The following TG variants were observed in gnomAD, a reference collection of about 807,000 sequenced individuals.
The protein encoded by TG is thyroid hormones.
In TG, 270 loss-of-function variants were observed where a neutral mutation model predicts 324.7. The observed-to-expected ratio is 0.83, with a 90% CI of 0.75 to 0.92. The LOEUF is 0.92. TG is among the 40% of genes least tolerant of loss of function. The pLI is 0.00. For synonymous variants in TG, 1,401 were observed against 1,327.0 expected, an observed-to-expected ratio of 1.06 and a Z score of -1.21; for missense variants, 3,591 against 3,456.4, an observed-to-expected ratio of 1.04 and a Z score of -0.98.
chr8:132,959,542 C>T (rs1485205708), intron 27 of TG, among the ~76,000 whole-genome samples: 3 of 152,076 alleles, frequency 2.0e-5, no homozygotes, highest in African/African-American at 7.2e-5. Context: ...GTATATAGAG[C>T]GTCTAGGCTT....
intron 41 of TG, among the ~76,000 whole-genome samples, chr8:133,034,388 T>A (rs530445730): frequency 3.3e-5 from 5 of 152,252 alleles, no homozygotes; most frequent in Admixed American, 6.5e-5. Flanking sequence ...ATTTGCTTGG[T>A]ATTATCAATG....
intron 43 of TG, among the ~76,000 whole-genome samples, chr8:133,109,393 G>GAAAGGTGT (rs1260755484): frequency 6.6e-6 from 1 of 152,188 alleles, no homozygotes; most frequent in African/African-American, 2.4e-5. Context: ...GCAAACTAGG[G>GAAAGGTGT]AAAGGTGTTT....
At chr8:132,923,046 G>A (rs1432992819) in intron 21 of TG, among the ~76,000 whole-genome samples, 1 of 152,212 alleles carries the variant, frequency 6.6e-6, no homozygotes, top group Non-Finnish European at 1.5e-5. Flanking sequence ...GCCCAGATGA[G>A]TAAAGCTTGT....
Position 132,969,452 on chromosome 8 carries a change from A to G in TG, c.5864-6A>G, listed in dbSNP as rs201600789. The G allele has an allele frequency of 1.3e-5, 20 of 1,595,998 alleles. No individual in the cohort carries two copies. The highest frequency in any genetic ancestry group is 5.5e-5 in the South Asian group (5 of 90,680). Reference sequence around the variant, plus strand: ...AGTAATGTATTTTCTTTCTTCCTCTATGAAGTTATACTGGAAGATAAAGTG... The same window carrying G: ...AGTAATGTATTTTCTTTCTTCCTCTGTGAAGTTATACTGGAAGATAAAGTG... On this transcript the variant is annotated splice_polypyrimidine_tract_variant and splice_region_variant and intron_variant, in intron 31 of 47. Coordinates refer to ENST00000220616, the MANE Select transcript of TG (RefSeq NM_003235.5).
At chr8:132,904,883 C>T (rs1818448368) in intron 16 of TG, among the ~76,000 whole-genome samples, 1 of 152,198 alleles carries the variant, frequency 6.6e-6, no homozygotes, top group East Asian at 1.9e-4. Flanking sequence ...TACACACATG[C>T]ATCTAGCACA....
chr8:132,887,651 A>G, intron 9 of TG, 103 bp downstream of exon 9: 1 of 1,497,362 alleles, frequency 6.7e-7, no homozygotes. Flanking sequence ...CAATGCTTAC[A>G]CTTCAGTTAA....
intron 27 of TG, among the ~76,000 whole-genome samples, chr8:132,957,316 C>T (rs767482452): frequency 2.0e-5 from 3 of 151,740 alleles, no homozygotes; most frequent in Admixed American, 6.6e-5. Context: ...CAAGGATGAA[C>T]TTAAGACAGC....
chr8:132,968,185 G>A (rs1048371457), intron 31 of TG, among the ~76,000 whole-genome samples: 4 of 152,092 alleles, frequency 2.6e-5, no homozygotes, highest in Non-Finnish European at 4.4e-5. Context: ...ATGAAAAAGG[G>A]TTATTTGGGG....
intron 39 of TG, among the ~76,000 whole-genome samples, chr8:133,020,540 C>G (rs541780997): frequency 6.6e-6 from 1 of 152,166 alleles, no homozygotes; most frequent in South Asian, 2.1e-4. Flanking sequence ...CTTCACTGAT[C>G]TGTCCCACAG....
At chr8:133,134,604 A>G in intron 47 of TG, 72 bp from the exon 48 acceptor site, 1 of 1,393,326 alleles carries the variant, frequency 7.2e-7, no homozygotes, top group African/African-American at 1.4e-5. Context: ...TCTCTTTGGG[A>G]CAAAAGGAAG....
chr8:132,974,104 C>T (rs1829894628), intron 34 of TG, among the ~76,000 whole-genome samples: 1 of 151,380 alleles, frequency 6.6e-6, no homozygotes, highest in Non-Finnish European at 1.5e-5. Context: ...AGCAATTCTC[C>T]TGCCTCAGCC....
At chr8:133,070,743 G>C (rs1421389515) in intron 41 of TG, among the ~76,000 whole-genome samples, 1 of 152,182 alleles carries the variant, frequency 6.6e-6, no homozygotes, top group Admixed American at 6.5e-5. Flanking sequence ...TAAGAGCTGG[G>C]TCTGCTGGCA....
intron 35 of TG, chr8:133,002,411 G>A (rs1355994863): frequency 1.0e-6 from 1 of 985,288 alleles, no homozygotes. Context: ...CGATTAATTT[G>A]TTGCTCAATA....
chr8:132,872,302 C>A (rs1587172722), intron 4 of TG, among the ~76,000 whole-genome samples: 1 of 151,514 alleles, frequency 6.6e-6, no homozygotes, highest in African/African-American at 2.4e-5. Flanking sequence ...CACGGTGAAA[C>A]CCCGTCTCTA....
At chr8:132,948,741 T>C in intron 26 of TG, 35 bp from the exon 27 acceptor site, 1 of 1,611,474 alleles carries the variant, frequency 6.2e-7, no homozygotes, top group Non-Finnish European at 8.5e-7. Flanking sequence ...TCCCCCTCCA[T>C]CACACTGACC....
chr8:133,018,076 T>A, intron 38 of TG, 79 bp downstream of exon 38: 2 of 1,397,276 alleles, frequency 1.4e-6, no homozygotes, highest in Middle Eastern at 2.2e-4. Flanking sequence ...TGGGACTCAG[T>A]AGCAGAGCAG....
intron 5 of TG, among the ~76,000 whole-genome samples, chr8:132,874,435 G>A (rs889524945): frequency 6.6e-6 from 1 of 152,180 alleles, no homozygotes; most frequent in Non-Finnish European, 1.5e-5. Flanking sequence ...AAGGGTTCAC[G>A]CAGACTTTAG....
chr8:133,108,008 G>C (rs1437818333), intron 43 of TG, among the ~76,000 whole-genome samples: 1 of 84,604 alleles, frequency 1.2e-5, no homozygotes, highest in South Asian at 3.6e-4. Context: ...TTTTGAGACA[G>C]AGTCTCACTG....
chr8:133,069,586 G>A (rs1843640091), intron 41 of TG, among the ~76,000 whole-genome samples: 1 of 152,200 alleles, frequency 6.6e-6, no homozygotes, highest in Non-Finnish European at 1.5e-5. Flanking sequence ...GTGACTGAGT[G>A]GTGAGTGACC....
Sources: gnomAD v4.1 joint callset for allele counts (sites outside exome capture counted in the v4.1 genomes callset) on GRCh38, gnomAD v4.1.1 for gene constraint, MANE v1.5 for transcripts, NCBI Gene and HGNC (gene_info 2026-07-23, HGNC 2026-07-21) for gene names.